BACH2: variants seen among roughly 807,000 people sequenced by gnomAD.
BACH2 encodes transcription regulator protein BACH2.
In BACH2, 5 loss-of-function variants were observed where a neutral mutation model predicts 61.8. The observed-to-expected ratio is 0.08, with a 90% CI of 0.04 to 0.17. The LOEUF (loss-of-function observed/expected upper bound fraction) is 0.17, where lower values mean the gene tolerates loss of function less well. BACH2 is among the 10% of genes least tolerant of loss of function. BACH2 has a pLI of 1.00. For missense variants in BACH2, 824 were observed against 1,091.1 expected, an observed-to-expected ratio of 0.76 and a Z score of 3.45; for synonymous variants, 446 against 440.1, an observed-to-expected ratio of 1.01 and a Z score of -0.17.
At chr6:90,123,894 G>A (rs1783742373) in intron 4 of BACH2, among the ~76,000 whole-genome samples, 1 of 151,888 alleles carries the variant, frequency 6.6e-6, no homozygotes. Flanking sequence ...CAATGATTCT[G>A]AGGGGAGCAG....
intron 7 of BACH2, among the ~76,000 whole-genome samples, chr6:89,946,127 C>G (rs1030989400): frequency 2.6e-5 from 4 of 152,002 alleles, no homozygotes; most frequent in Non-Finnish European, 4.4e-5. Context: ...GGTTAATATT[C>G]CTAATATTAG....
chr6:90,043,137 G>GT (rs1329093862), intron 5 of BACH2, among the ~76,000 whole-genome samples: 1 of 152,204 alleles, frequency 6.6e-6, no homozygotes, highest in Non-Finnish European at 1.5e-5. Context: ...GGAGGATCAT[G>GT]TTTGGGGGCT....
At chr6:90,138,363 C>T (rs981362891) in intron 4 of BACH2, among the ~76,000 whole-genome samples, 8 of 152,038 alleles carry the variant, frequency 5.3e-5, no homozygotes, top group African/African-American at 9.7e-5. Flanking sequence ...ATTAGCCATG[C>T]GTGGTGGCGT....
chr6:90,281,551 A>G (rs1771858904), intron 1 of BACH2, among the ~76,000 whole-genome samples: 1 of 152,132 alleles, frequency 6.6e-6, no homozygotes, highest in Non-Finnish European at 1.5e-5. Context: ...GCTTTTTGTG[A>G]CAATCATATT....
intron 4 of BACH2, among the ~76,000 whole-genome samples, chr6:90,195,377 A>C (rs1197706330): frequency 6.6e-6 from 1 of 152,230 alleles, no homozygotes; most frequent in African/African-American, 2.4e-5. Context: ...CAAGGAAAAA[A>C]CAAGCACAAC....
At position 89,929,993 on chromosome 6, in the gene BACH2, A is replaced by G. The variant is rs1406053756; in HGVS notation, c.*2415T>C. 1 of 152,258 alleles carries G rather than the reference A, an allele frequency of 6.6e-6. No homozygotes were observed. Among genetic ancestry groups the G allele is most frequent in the Non-Finnish European group, 1.5e-5 (1 of 68,032 alleles). The allele number at this position is 152,258 out of a possible 1,614,324, so 9.4% of individuals were successfully genotyped here. ...TTGAGTTTATATTCTCACTGTCACC[A>G]GTTTTCCACAAAGGCAAACCTCATG... On this transcript the variant is annotated 3_prime_UTR_variant, in exon 9 of 9. Coordinates refer to ENST00000257749, the MANE Select transcript of BACH2 (RefSeq NM_021813.4).
At chr6:90,081,390 G>C (rs1275096706) in intron 5 of BACH2, among the ~76,000 whole-genome samples, 1 of 152,138 alleles carries the variant, frequency 6.6e-6, no homozygotes. Flanking sequence ...GAGGATCAAA[G>C]TACTGTATAC....
intron 3 of BACH2, among the ~76,000 whole-genome samples, chr6:90,231,985 CAGAGAG>C (rs542457957): frequency 8.7e-5 from 13 of 149,260 alleles, no homozygotes; most frequent in Admixed American, 2.7e-4. Flanking sequence ...GAGAGAGAGA[CAGAGAG>C]AGAGAGAGAG....
At chr6:90,235,729 T>G (rs756590694) in intron 3 of BACH2, among the ~76,000 whole-genome samples, 6 of 152,230 alleles carry the variant, frequency 3.9e-5, no homozygotes, top group Non-Finnish European at 8.8e-5. Flanking sequence ...TCCAGCTTGA[T>G]GGACAATCCC....
chr6:90,077,014 A>T (rs1328806584), intron 5 of BACH2, among the ~76,000 whole-genome samples: 1 of 152,186 alleles, frequency 6.6e-6, no homozygotes, highest in African/African-American at 2.4e-5. Context: ...ATACATCATT[A>T]GAGAAAATCT....
At chr6:90,034,616 A>G (rs1779173904) in intron 5 of BACH2, among the ~76,000 whole-genome samples, 1 of 152,214 alleles carries the variant, frequency 6.6e-6, no homozygotes, top group African/African-American at 2.4e-5. Context: ...GCAATAAAGT[A>G]TCAGGAAAGA....
intron 5 of BACH2, among the ~76,000 whole-genome samples, chr6:90,019,641 A>C (rs1778271917): frequency 6.6e-6 from 1 of 152,228 alleles, no homozygotes; most frequent in African/African-American, 2.4e-5. Context: ...TTGACCTTCT[A>C]AAGACCATTT....
intron 6 of BACH2, chr6:89,952,884 A>T (rs1774216615): frequency 6.6e-6 from 1 of 152,222 alleles, no homozygotes; most frequent in Non-Finnish European, 1.5e-5. Flanking sequence ...ATGGAAATGG[A>T]TTAAACTTGC....
rs1372039681 is a variant in BACH2 at position 90,289,416 on chromosome 6, T to C, written c.-446+7064A>G. Among the ~76,000 whole-genome samples the C allele has an allele frequency of 2.6e-5, 4 of 152,296 alleles. No individual in the cohort carries two copies. The South Asian group carries it at 6.2e-4, about 24-fold the overall frequency. On this transcript the variant is annotated intron_variant, in intron 1 of 8. Transcript: ENST00000257749. ...AGCAGCACACAGAGGAAGCTCTCAA[T>C]ACAAGTTAACTATCATCAAAGAAAA...
intron 3 of BACH2, among the ~76,000 whole-genome samples, chr6:90,211,232 C>T (rs189423895): frequency 4.7e-5 from 7 of 148,466 alleles, no homozygotes; most frequent in East Asian, 2.3e-4. Context: ...AAACAAAGGG[C>T]GGCAAGCAAA....
At chr6:89,964,738 A>ATTC (rs1408706405) in intron 6 of BACH2, among the ~76,000 whole-genome samples, 4 of 152,188 alleles carry the variant, frequency 2.6e-5, no homozygotes, top group Non-Finnish European at 2.9e-5. Flanking sequence ...TGTACATGGG[A>ATTC]ATAGGAACAT....
intron 7 of BACH2, among the ~76,000 whole-genome samples, chr6:89,945,575 T>C (rs1181792974): frequency 1.3e-5 from 2 of 152,296 alleles, no homozygotes; most frequent in African/African-American, 2.4e-5. Context: ...TAACTGCTAA[T>C]AGGTACAGCA....
At chr6:90,156,006 A>G (rs967376222) in intron 4 of BACH2, among the ~76,000 whole-genome samples, 1 of 152,218 alleles carries the variant, frequency 6.6e-6, no homozygotes, top group African/African-American at 2.4e-5. Context: ...CCCCAATGGA[A>G]ATCACCAAAG....
At chr6:90,147,507 C>T (rs774864342) in intron 4 of BACH2, among the ~76,000 whole-genome samples, 20 of 152,090 alleles carry the variant, frequency 1.3e-4, no homozygotes, top group African/African-American at 1.9e-4. Context: ...CCCGGGTGCA[C>T]GAGGGTACCC....
Sources: allele counts gnomAD v4.1 joint callset (sites outside exome capture counted in the v4.1 genomes callset), GRCh38; gene constraint gnomAD v4.1.1; transcripts MANE v1.5; gene names NCBI Gene and HGNC (gene_info 2026-07-23, HGNC 2026-07-21).